DIAPH2: variants seen among roughly 807,000 people sequenced by gnomAD.
DIAPH2 encodes the protein protein diaphanous homolog 2.
In DIAPH2, 35 loss-of-function variants were observed where a neutral mutation model predicts 92.7. The observed-to-expected ratio is 0.38, with a 90% CI of 0.29 to 0.50. The LOEUF (loss-of-function observed/expected upper bound fraction) is 0.50, where lower values mean the gene tolerates loss of function less well. Among genes scored for constraint, DIAPH2 ranks in the 20% least tolerant of loss-of-function variants. The pLI, the probability that DIAPH2 is intolerant of heterozygous loss-of-function variation, is 0.94. For missense variants in DIAPH2, 701 were observed against 819.5 expected, an observed-to-expected ratio of 0.86 and a Z score of 1.77; for synonymous variants, 301 against 280.4, an observed-to-expected ratio of 1.07 and a Z score of -0.73.
At chrX:97,111,965 G>A (rs189738360) in intron 20 of DIAPH2, among the ~76,000 whole-genome samples, 26 of 112,460 alleles carry the variant, frequency 2.3e-4, no homozygotes, top group Middle Eastern at 4.6e-3. Context: ...GTTGAAAAAT[G>A]TCTGGCACAA....
chrX:96,920,850 TCA>T lies in DIAPH2; in HGVS notation c.978+2236_978+2237del, dbSNP rs2065537700. ...CATATGCAGACCACAATTTAAAATT[TCA>T]CATTTTAATGAGCTACAAAATTAGT... is the stretch of plus-strand genomic sequence containing the variant. On this transcript the variant is annotated intron_variant, in intron 9 of 26. Coordinates refer to ENST00000324765, the MANE Select transcript of DIAPH2 (RefSeq NM_006729.5). Among the ~76,000 whole-genome samples, 4 of 112,419 alleles carry T rather than the reference TCA, an allele frequency of 3.6e-5. No individual in the cohort carries two copies. The South Asian group carries it at 1.1e-3, about 31-fold the overall frequency.
rs1555998003 is a variant in DIAPH2, at chrX:97,185,306, A to AAT, written c.2719+43529_2719+43530dup. Reference sequence around the variant, plus strand: ...TGAGACCCTGTCTCAAAAAAAAAAAAATATATATATATATATATGTGTATA... The same window carrying AAT: ...TGAGACCCTGTCTCAAAAAAAAAAAAATATATATATATATATATATGTGTATA... On this transcript the variant is annotated intron_variant, in intron 22 of 26. Coordinates refer to ENST00000324765, the MANE Select transcript of DIAPH2 (RefSeq NM_006729.5). Among the ~76,000 whole-genome samples, 121 of 34,452 alleles carry AAT rather than the reference A, an allele frequency of 3.5e-3. 12 individuals carry two copies. Among genetic ancestry groups the AAT allele is most frequent in the African/African-American group, 0.013 (79 of 5,961 alleles). The allele number at this position is 34,452 out of a possible 115,157, so 29.9% of individuals were successfully genotyped here.
intron 26 of DIAPH2, among the ~76,000 whole-genome samples, chrX:97,590,416 G>T (rs1303804281): frequency 8.9e-6 from 1 of 112,061 alleles, no homozygotes; most frequent in African/African-American, 3.2e-5. Flanking sequence ...AGAAACAAAG[G>T]CAGATGACAG....
At chrX:97,542,508 T>C (rs1370681656) in intron 26 of DIAPH2, among the ~76,000 whole-genome samples, 1 of 112,518 alleles carries the variant, frequency 8.9e-6, no homozygotes, top group Admixed American at 9.4e-5. Context: ...TAATCCCATA[T>C]CCTGATTTTG....
At chrX:97,079,032 G>A (rs1177011567) in intron 19 of DIAPH2, among the ~76,000 whole-genome samples, 5 of 111,209 alleles carry the variant, frequency 4.5e-5, no homozygotes, top group Non-Finnish European at 9.4e-5. Context: ...GTGACTCACA[G>A]GCATTCACGC....
chrX:97,523,568 G>A (rs1262372456), intron 26 of DIAPH2, among the ~76,000 whole-genome samples: 3 of 111,526 alleles, frequency 2.7e-5, no homozygotes, highest in African/African-American at 6.5e-5. Context: ...GGTTCACTTT[G>A]TGGAAGCTGT....
At chrX:97,279,520 T>C (rs2068479799) in intron 23 of DIAPH2, among the ~76,000 whole-genome samples, 2 of 110,236 alleles carry the variant, frequency 1.8e-5, no homozygotes, top group African/African-American at 6.6e-5. Context: ...GCCAGGCTGG[T>C]CTTGAACTCT....
At chrX:96,866,943 G>T (rs951055394) in intron 4 of DIAPH2, among the ~76,000 whole-genome samples, 1 of 111,754 alleles carries the variant, frequency 8.9e-6, no homozygotes, top group African/African-American at 3.3e-5. Flanking sequence ...TTGTTTTGAG[G>T]AAACAGAAAT....
chrX:97,252,753 T>C (rs1255342247), intron 23 of DIAPH2, among the ~76,000 whole-genome samples: 1 of 102,112 alleles, frequency 9.8e-6, no homozygotes, highest in African/African-American at 3.5e-5. Context: ...AACATAGTAA[T>C]TCAGGTCATT....
chrX:97,562,952 T>C (rs1195547063), intron 26 of DIAPH2, among the ~76,000 whole-genome samples: 1 of 112,392 alleles, frequency 8.9e-6, no homozygotes, highest in African/African-American at 3.2e-5. Flanking sequence ...ATTTCCCTTA[T>C]GTAGTAAAAT....
intron 21 of DIAPH2, among the ~76,000 whole-genome samples, chrX:97,128,449 C>T (rs766265225): frequency 1.3e-4 from 15 of 111,380 alleles, no homozygotes; most frequent in African/African-American, 3.9e-4. Flanking sequence ...CCTGTGATTT[C>T]GAATGCCTTA....
intron 19 of DIAPH2, among the ~76,000 whole-genome samples, chrX:97,081,257 A>AC (rs776141051): frequency 9.9e-4 from 110 of 111,197 alleles, no homozygotes; most frequent in Non-Finnish European, 1.8e-3. Flanking sequence ...AGGTGATTAA[A>AC]AATTTTTTTT....
chrX:97,332,161 A>C (rs1167749480), intron 23 of DIAPH2, among the ~76,000 whole-genome samples: 1 of 111,704 alleles, frequency 9.0e-6, no homozygotes, highest in African/African-American at 3.2e-5. Flanking sequence ...AAAAAATCAA[A>C]ATACTTTTTA....
Position 96,942,015 on chromosome X carries a change from C to T in DIAPH2, c.1326-3C>T. On this transcript the variant is annotated splice_polypyrimidine_tract_variant and splice_region_variant and intron_variant, in intron 12 of 26. Coordinates refer to ENST00000324765, the MANE Select transcript of DIAPH2 (RefSeq NM_006729.5). ...ATTCATGAGTACTTTCTCTCCTTTT[C>T]AGGCCACAATATTATAAAATAATTG... 1.8e-6 allele frequency: 2 copies of T among 1,102,205 alleles called. No individual in the cohort carries two copies. Among genetic ancestry groups the T allele is most frequent in the Non-Finnish European group, 2.5e-6 (2 of 799,925 alleles). 90.8% of individuals were successfully genotyped at this position (1,102,205 alleles called of 1,213,427 possible).
intron 23 of DIAPH2, among the ~76,000 whole-genome samples, chrX:97,340,044 C>T (rs2069099372): frequency 8.9e-6 from 1 of 111,780 alleles, no homozygotes; most frequent in Non-Finnish European, 1.9e-5. Context: ...GGTCACTCTA[C>T]ATTTTGATCC....
chrX:97,502,856 GT>G (rs1309221671), intron 26 of DIAPH2, among the ~76,000 whole-genome samples: 3 of 112,497 alleles, frequency 2.7e-5, no homozygotes, highest in African/African-American at 6.5e-5. Context: ...AACGTGAGCA[GT>G]GCAACAGTAC....
chrX:96,709,539 G>A lies in DIAPH2; in HGVS notation c.132+24349G>A, dbSNP rs148163231. On this transcript the variant is annotated intron_variant, in intron 1 of 26. Coordinates refer to ENST00000324765, the MANE Select transcript of DIAPH2 (RefSeq NM_006729.5). ...CTACATATAGTAGAGAATGCATTAA[G>A]GGATGGTTTATGAAAGGAAGATGCT... 7.9e-3 allele frequency among the ~76,000 whole-genome samples: 881 copies of A among 111,810 alleles called. 4 individuals carry two copies. Among genetic ancestry groups the A allele is most frequent in the Non-Finnish European group, 0.013 (677 of 53,126 alleles).
At chrX:97,234,169 C>CAA (rs200048867) in intron 22 of DIAPH2, among the ~76,000 whole-genome samples, 323 of 95,969 alleles carry the variant, frequency 3.4e-3, no homozygotes, top group Non-Finnish European at 5.2e-3. Flanking sequence ...ACTAAAAATA[C>CAA]AAAAAAAAAA....
chrX:97,553,857 T>G (rs1237907228), intron 26 of DIAPH2, among the ~76,000 whole-genome samples: 2 of 110,979 alleles, frequency 1.8e-5, no homozygotes, highest in African/African-American at 6.6e-5. Flanking sequence ...CTATCAGGCT[T>G]GATGTGATAA....
Sources: allele counts gnomAD v4.1 joint callset (sites outside exome capture counted in the v4.1 genomes callset), GRCh38; gene constraint gnomAD v4.1.1; transcripts MANE v1.5; gene names NCBI Gene and HGNC (gene_info 2026-07-23, HGNC 2026-07-21).